MARCHF10: variants seen among roughly 807,000 people sequenced by gnomAD.
MARCHF10 encodes the protein membrane associated ring-CH-type finger 10.
Under a neutral mutation model 76.2 loss-of-function variants are expected in MARCHF10, and 64 were observed. That is an observed-to-expected ratio of 0.84 (90% CI 0.69 to 1.03). The LOEUF (loss-of-function observed/expected upper bound fraction) is 1.03, where lower values mean the gene tolerates loss of function less well. Ranked by LOEUF, MARCHF10 falls within the 50% of genes least tolerant of loss-of-function variation. The pLI is 0.00. For synonymous variants in MARCHF10, 340 were observed against 357.5 expected, an observed-to-expected ratio of 0.95 and a Z score of 0.55; for missense variants, 875 against 958.0, an observed-to-expected ratio of 0.91 and a Z score of 1.14.
intron 6 of MARCHF10, among the ~76,000 whole-genome samples, chr17:62,732,833 A>G (rs1443866475): frequency 2.0e-5 from 3 of 152,008 alleles, no homozygotes. Context: ...TCTCTAATAA[A>G]AATACAAAAA....
chr17:62,779,142 A>T (rs887570341), intron 3 of MARCHF10, among the ~76,000 whole-genome samples: 5 of 152,094 alleles, frequency 3.3e-5, no homozygotes, highest in African/African-American at 9.7e-5. Flanking sequence ...TCTGAGCTAG[A>T]GTCAAGAGGG....
chr17:62,705,731 G>C, intron 9 of MARCHF10, 150 bp from the exon 10 acceptor site: 1 of 942,606 alleles, frequency 1.1e-6, no homozygotes, highest in Admixed American at 2.6e-5. Context: ...AGGGCTGGGT[G>C]AGTGCTAAGC....
chr17:62,755,223 C>G (rs551744614), intron 4 of MARCHF10, among the ~76,000 whole-genome samples: 32 of 152,346 alleles, frequency 2.1e-4, no homozygotes, highest in African/African-American at 7.5e-4. Context: ...ATCTGTCTTC[C>G]TGGCACACAG....
At chr17:62,728,197 A>ATT (rs35416243) in intron 6 of MARCHF10, among the ~76,000 whole-genome samples, 50 of 150,770 alleles carry the variant, frequency 3.3e-4, no homozygotes, top group African/African-American at 9.5e-4. Context: ...GCTAATTTTA[A>ATT]TTTTTTTTTT....
intron 1 of MARCHF10, 88 bp from the exon 2 acceptor site, chr17:62,801,840 T>A: frequency 1.0e-6 from 1 of 972,502 alleles, no homozygotes; most frequent in South Asian, 1.3e-5. Flanking sequence ...ATTGCTTTTA[T>A]TTGTGTATTC....
chr17:62,715,360 A>G (rs778393236), intron 8 of MARCHF10, among the ~76,000 whole-genome samples: 5 of 152,246 alleles, frequency 3.3e-5, no homozygotes, highest in African/African-American at 4.8e-5. Flanking sequence ...CAGGATACCT[A>G]GAAGATTACC....
intron 1 of MARCHF10, among the ~76,000 whole-genome samples, chr17:62,802,686 G>A (rs960228183): frequency 2.6e-5 from 4 of 152,188 alleles, no homozygotes; most frequent in African/African-American, 4.8e-5. Flanking sequence ...ATGACACTGG[G>A]TTTGACAGAG....
intron 10 of MARCHF10, chr17:62,704,849 C>A (rs1238135852): frequency 2.4e-6 from 2 of 831,410 alleles, no homozygotes; most frequent in East Asian, 2.5e-4. Flanking sequence ...TCACACACCG[C>A]TGGATTCACT....
At chr17:62,758,728 T>C (rs1433224397) in intron 4 of MARCHF10, among the ~76,000 whole-genome samples, 1 of 152,236 alleles carries the variant, frequency 6.6e-6, no homozygotes, top group Non-Finnish European at 1.5e-5. Context: ...CTTAACTGGA[T>C]GGGTGGTTGC....
chr17:62,761,923 T>C (rs192442175), intron 3 of MARCHF10, among the ~76,000 whole-genome samples: 121 of 152,294 alleles, frequency 7.9e-4, no homozygotes, highest in African/African-American at 2.7e-3. Context: ...ATCAGCTCAC[T>C]GCAGTGGGTT....
In MARCHF10 at chr17:62,794,152, C is replaced by CACG. The variant is rs375473170; in HGVS notation, c.91-5554_91-5553insCGT. Among the ~76,000 whole-genome samples the CACG allele has an allele frequency of 1.9e-3, 292 of 151,256 alleles. 2 individuals carry two copies. Among genetic ancestry groups the CACG allele is most frequent in the African/African-American group, 6.8e-3 (280 of 41,212 alleles). On this transcript the variant is annotated intron_variant, in intron 2 of 10. Transcript: ENST00000311269. Reference sequence around the variant, plus strand: ...TCACCACCACCAAAACAGTCACCACCACCACCTCCATCACCACCACCACCA... The same window carrying CACG: ...TCACCACCACCAAAACAGTCACCACCACGACCACCTCCATCACCACCACCACCA...
rs935136493 is a variant in MARCHF10 at position 62,716,196 on chromosome 17, C to T, written c.2215-4852G>A. Among the ~76,000 whole-genome samples the T allele has an allele frequency of 3.9e-5, 6 of 152,340 alleles. No homozygotes were observed. In the South Asian group the frequency reaches 1.0e-3, roughly 26 times the overall value. ...CTCCACCTGCAGGAATTGCTGGCTTCAGTCTTCGCTGCTGGTCGGTAGGGC... is the reference window on the plus strand; with the variant it reads ...CTCCACCTGCAGGAATTGCTGGCTTTAGTCTTCGCTGCTGGTCGGTAGGGC... On this transcript the variant is annotated intron_variant, in intron 8 of 10. Coordinates refer to ENST00000311269, the MANE Select transcript of MARCHF10 (RefSeq NM_152598.4).
chr17:62,711,230 C>T lies in MARCHF10; in HGVS notation c.2328+1G>A, dbSNP rs766070730. On this transcript the variant is annotated splice_donor_variant, in intron 9 of 10. Transcript: ENST00000311269. LOFTEE classifies it high-confidence loss of function. This position sits in a 1 kb window ranked among gnomAD's most constrained non-coding sequence, Gnocchi z 4.4. The stretch of plus-strand genomic sequence containing the variant: ...CAGCTCTGGGTCACAGCCAGACTTA[C>T]CCTCTCTCTTTCCACCTGGTTGTGG... The T allele has an allele frequency of 3.7e-6, 6 of 1,613,656 alleles. No homozygotes were observed. The East Asian group carries it at 1.1e-4, about 30-fold the overall frequency.
At chr17:62,777,626 C>T (rs930020828) in intron 3 of MARCHF10, among the ~76,000 whole-genome samples, 1 of 136,976 alleles carries the variant, frequency 7.3e-6, no homozygotes. Flanking sequence ...GGCTGAGGCA[C>T]GAGAATCACT....
intron 4 of MARCHF10, among the ~76,000 whole-genome samples, chr17:62,751,533 G>A (rs73992050): frequency 0.14 from 20,764 of 152,200 alleles, 3,753 homozygotes; most frequent in African/African-American, 0.42. Flanking sequence ...ATCACCTGTT[G>A]TTCTTGTTCA....
At chr17:62,782,587 C>A (rs117542274) in intron 3 of MARCHF10, among the ~76,000 whole-genome samples, 1 of 151,820 alleles carries the variant, frequency 6.6e-6, no homozygotes, top group African/African-American at 2.4e-5. Context: ...ACCTTGTGAT[C>A]GCCGGCCTTG....
chr17:62,779,267 G>T (rs1355070542), intron 3 of MARCHF10, among the ~76,000 whole-genome samples: 1 of 152,212 alleles, frequency 6.6e-6, no homozygotes, highest in East Asian at 1.9e-4. Context: ...TCAGCACACA[G>T]GCCTAGGGCC....
At chr17:62,774,085 G>A (rs966989475) in intron 3 of MARCHF10, among the ~76,000 whole-genome samples, 4 of 152,220 alleles carry the variant, frequency 2.6e-5, no homozygotes, top group Non-Finnish European at 4.4e-5. Flanking sequence ...ATCCACGGGC[G>A]AGAGGTTCCC....
intron 2 of MARCHF10, chr17:62,794,904 A>G (rs1027871492): frequency 2.0e-6 from 1 of 488,172 alleles, no homozygotes; most frequent in African/African-American, 2.1e-5. Flanking sequence ...ACATTATTAA[A>G]GTTCATTAAT....
Sources: allele counts gnomAD v4.1 joint callset (sites outside exome capture counted in the v4.1 genomes callset), GRCh38; gene constraint gnomAD v4.1.1; non-coding constraint Gnocchi (gnomAD v3.1); transcripts MANE v1.5; gene names NCBI Gene and HGNC (gene_info 2026-07-23, HGNC 2026-07-21).